The following PLCXD2 variants were observed in gnomAD, a reference collection of about 807,000 sequenced individuals.
PLCXD2 encodes the protein PI-PLC X domain-containing protein 2.
In PLCXD2, 21 loss-of-function variants were observed where a neutral mutation model predicts 28.6. That is an observed-to-expected ratio of 0.73 (90% CI 0.52 to 1.06). PLCXD2 has a LOEUF of 1.06. Ranked by LOEUF, PLCXD2 falls within the 50% of genes least tolerant of loss-of-function variation. The pLI, the probability that PLCXD2 is intolerant of heterozygous loss-of-function variation, is 0.00. For missense variants in PLCXD2, 369 were observed against 376.7 expected, an observed-to-expected ratio of 0.98 and a Z score of 0.17; for synonymous variants, 140 against 150.1, an observed-to-expected ratio of 0.93 and a Z score of 0.49.
At position 111,675,263 on chromosome 3, in the gene PLCXD2, G is replaced by A; in HGVS notation, c.18G>A (p.Lys6=). 1 of 1,614,010 alleles carries A rather than the reference G, an allele frequency of 6.2e-7. No individual in the cohort carries two copies. The highest frequency in any genetic ancestry group is 8.5e-7 in the Non-Finnish European group (1 of 1,179,946). The change falls in exon 1 of 5, where the codon AAG becomes AAA. Residue 6 remains lysine (K), a synonymous_variant. Transcript: ENST00000477665. ...CAACAGGGATGCTAGCAGTTAGGAA[G>A]GCCAGGAGGAAACTCAGGATGGGGA...
At chr3:111,682,130 A>G (rs893905881) in intron 1 of PLCXD2, among the ~76,000 whole-genome samples, 8 of 152,222 alleles carry the variant, frequency 5.3e-5, no homozygotes, top group Non-Finnish European at 1.0e-4. Context: ...TAGTATTTAC[A>G]TTTGTGGTTA....
intron 3 of PLCXD2, chr3:111,725,594 C>A: frequency 2.5e-6 from 1 of 398,420 alleles, no homozygotes; most frequent in Non-Finnish European, 4.4e-6. Flanking sequence ...CCACAAAATG[C>A]GATTGATTTT....
At chr3:111,716,677 A>T (rs940546218) in intron 3 of PLCXD2, among the ~76,000 whole-genome samples, 2 of 152,184 alleles carry the variant, frequency 1.3e-5, no homozygotes, top group Admixed American at 1.3e-4. Flanking sequence ...GTGCAGCCTG[A>T]CATGCTCCCT....
In PLCXD2 at chr3:111,717,162, T is replaced by G. The variant is rs1335994877; in HGVS notation, c.866+3034T>G. 2.0e-5 allele frequency among the ~76,000 whole-genome samples: 3 copies of G among 152,178 alleles called. 1 individual carries two copies. The highest frequency in any genetic ancestry group is 4.4e-5 in the Non-Finnish European group (3 of 68,030). On this transcript the variant is annotated intron_variant, in intron 3 of 4. Transcript: ENST00000477665. ...CCGTGGACAAGTTTTCTGAGGTCTC[T>G]GAGCTGTGGTTTTCTCACCAGTTAA...
intron 2 of PLCXD2, among the ~76,000 whole-genome samples, chr3:111,710,897 T>G (rs1941191211): frequency 6.6e-6 from 1 of 152,166 alleles, no homozygotes; most frequent in Admixed American, 6.5e-5. Flanking sequence ...TAAAGAATAG[T>G]GTAGGCAGTG....
rs1020563401 is a variant in PLCXD2, at chr3:111,675,314, G to T, written c.69G>T (p.Gly23=). Reference sequence around the variant, plus strand: ...CCATCTGCTCCCCCAACCCCAGCGGGACAAAGACATCATCGGAGGTCTGCA... The same window carrying T: ...CCATCTGCTCCCCCAACCCCAGCGGTACAAAGACATCATCGGAGGTCTGCA... The change falls in exon 1 of 5, where the codon GGG becomes GGT. Residue 23 remains glycine, a synonymous_variant. Transcript: ENST00000477665. The T allele has an allele frequency of 6.2e-7, 1 of 1,614,144 alleles. No homozygotes were observed. The highest frequency in any genetic ancestry group is 1.7e-5 in the Admixed American group (1 of 60,020).
At position 111,698,764 on chromosome 3, in the gene PLCXD2, C is replaced by T. The variant is rs374367225; in HGVS notation, c.164-9162C>T. On this transcript the variant is annotated intron_variant, in intron 1 of 4. Coordinates refer to ENST00000477665, the MANE Select transcript of PLCXD2 (RefSeq NM_001185106.1). ...GACAGTGTCAGAGGTTCAGCCCAGA[C>T]AAGCCAGGAACCTCAGTCTAGGGTG... 9.2e-5 allele frequency among the ~76,000 whole-genome samples: 14 copies of T among 152,260 alleles called. No individual in the cohort carries two copies. In the South Asian group the frequency reaches 2.9e-3, roughly 32 times the overall value.
chr3:111,684,635 C>T (rs536543373), intron 1 of PLCXD2, among the ~76,000 whole-genome samples: 11 of 150,030 alleles, frequency 7.3e-5, no homozygotes, highest in African/African-American at 2.0e-4. Context: ...GCCTGGGCGA[C>T]GGAACAAAAC....
intron 1 of PLCXD2, among the ~76,000 whole-genome samples, chr3:111,695,491 T>C (rs891408199): frequency 2.0e-5 from 3 of 152,244 alleles, no homozygotes; most frequent in African/African-American, 7.2e-5. Flanking sequence ...CACTTTGGGG[T>C]CATTCTCAAG....
chr3:111,719,940 T>C (rs1559799432), intron 3 of PLCXD2, among the ~76,000 whole-genome samples: 1 of 152,234 alleles, frequency 6.6e-6, no homozygotes, highest in Non-Finnish European at 1.5e-5. Flanking sequence ...TGAACTCCAG[T>C]TAATCATATG....
At chr3:111,677,632 A>G (rs1431985132) in intron 1 of PLCXD2, among the ~76,000 whole-genome samples, 1 of 152,174 alleles carries the variant, frequency 6.6e-6, no homozygotes, top group Non-Finnish European at 1.5e-5. Context: ...TTTTCTCAAG[A>G]TCACACAAAT....
At chr3:111,685,324 G>A (rs770018462) in intron 1 of PLCXD2, among the ~76,000 whole-genome samples, 23 of 152,098 alleles carry the variant, frequency 1.5e-4, no homozygotes, top group African/African-American at 3.1e-4. Flanking sequence ...GTGCCCCCTC[G>A]TGTTTGTCTA....
At chr3:111,702,901 C>T (rs1386424415) in intron 1 of PLCXD2, among the ~76,000 whole-genome samples, 1 of 152,074 alleles carries the variant, frequency 6.6e-6, no homozygotes, top group Non-Finnish European at 1.5e-5. Context: ...TTAGGATTTT[C>T]TATTTGTAAG....
intron 2 of PLCXD2, 123 bp downstream of exon 2, chr3:111,708,509 A>G (rs1396389909): frequency 1.1e-5 from 10 of 922,690 alleles, no homozygotes; most frequent in Non-Finnish European, 1.4e-5. Flanking sequence ...ATTGTTTGGA[A>G]TATTAAACAT....
chr3:111,677,811 G>A (rs913708125), intron 1 of PLCXD2, among the ~76,000 whole-genome samples: 2 of 152,024 alleles, frequency 1.3e-5, no homozygotes, highest in African/African-American at 4.8e-5. Flanking sequence ...TTTTAAAAGC[G>A]AGTGGTATTT....
intron 1 of PLCXD2, chr3:111,676,863 C>T (rs957671273): frequency 6.6e-6 from 1 of 152,180 alleles, no homozygotes; most frequent in South Asian, 2.1e-4. Flanking sequence ...AGGGCATGTC[C>T]GGGGTAGGTT....
At chr3:111,709,457 T>C (rs1220065186) in intron 2 of PLCXD2, among the ~76,000 whole-genome samples, 2 of 129,448 alleles carry the variant, frequency 1.5e-5, no homozygotes, top group Non-Finnish European at 3.1e-5. Flanking sequence ...TCCATATATG[T>C]GTGTGTATAT....
intron 1 of PLCXD2, chr3:111,677,271 A>G (rs1413990811): frequency 2.6e-5 from 4 of 152,332 alleles, no homozygotes; most frequent in African/African-American, 2.4e-5. Flanking sequence ...GGAAAATTAC[A>G]TATTAAATGC....
chr3:111,701,053 C>G (rs941952728), intron 1 of PLCXD2, among the ~76,000 whole-genome samples: 1 of 152,068 alleles, frequency 6.6e-6, no homozygotes, highest in Non-Finnish European at 1.5e-5. Flanking sequence ...TAGAGAGGAA[C>G]AATGAATCAG....
Sources: gnomAD v4.1 joint callset for allele counts (sites outside exome capture counted in the v4.1 genomes callset) on GRCh38, gnomAD v4.1.1 for gene constraint, MANE v1.5 for transcripts, NCBI Gene and HGNC (gene_info 2026-07-23, HGNC 2026-07-21) for gene names.